Variants in OPRL1 observed in about 807,000 individuals in gnomAD.
OPRL1 encodes the protein opioid related nociceptin receptor 1.
OPRL1 carries 5 observed loss-of-function variants against 15.5 expected under a neutral mutation model. The observed-to-expected ratio is 0.32, with a 90% CI of 0.17 to 0.68. OPRL1 has a LOEUF of 0.68. Among genes scored for constraint, OPRL1 ranks in the 30% least tolerant of loss-of-function variants. The pLI is 0.72. For missense variants in OPRL1, 406 were observed against 515.3 expected (o/e 0.79, Z 2.05); for synonymous variants, 223 against 230.2 (o/e 0.97, Z 0.28).
At chr20:64,088,709 T>G (rs2060083874) in intron 1 of OPRL1, among the ~76,000 whole-genome samples, 2 of 112,988 alleles carry the variant, frequency 1.8e-5, no homozygotes, top group Non-Finnish European at 1.8e-5. Context: ...CCAGGGTCTG[T>G]GCAGAGTGGC....
intron 3 of OPRL1, 88 bp downstream of exon 3, chr20:64,093,041 G>C: frequency 1.7e-6 from 2 of 1,178,756 alleles, no homozygotes; most frequent in Non-Finnish European, 2.4e-6. Context: ...GGATGGGCCT[G>C]AGCAGGTGTT....
In OPRL1 at chr20:64,092,763, G is replaced by A. The variant is rs756968755; in HGVS notation, c.43G>A (p.Gly15Ser). 1.6e-5 allele frequency: 25 copies of A among 1,612,708 alleles called. No individual in the cohort carries two copies. Among genetic ancestry groups the A allele is most frequent in the East Asian group, 2.2e-5 (1 of 44,850 alleles). ...FPAPFWEVIY[G>S]SHLQGNLSLL... The stretch of plus-strand genomic sequence containing the variant: ...CGCGCCGTTCTGGGAGGTTATCTAC[G>A]GCAGCCACCTTCAGGGCAACCTGTC... The change falls in exon 3 of 5, where the codon GGC becomes AGC. Residue 15 changes from glycine (G) to serine (S), a missense_variant. Coordinates refer to ENST00000336866, the MANE Select transcript of OPRL1 (RefSeq NM_182647.4).
rs1300169663 is a variant in OPRL1 at position 64,098,679 on chromosome 20, C to G, written c.993C>G (p.Arg331=). The change falls in exon 5 of 5, where the codon CGC becomes CGG. Residue 331 remains arginine (R), a synonymous_variant. Transcript: ENST00000336866. ...FLDENFKACF[R]KFCCASALRR... is the part of the protein sequence containing the mutation. ...ATGAGAACTTCAAGGCCTGCTTCCG[C>G]AAGTTCTGCTGTGCATCTGCCCTGC... 6.2e-7 allele frequency: 1 copy of G among 1,612,756 alleles called. No homozygotes were observed. Among genetic ancestry groups the G allele is most frequent in the East Asian group, 2.2e-5 (1 of 44,892 alleles).
In OPRL1 at chr20:64,081,318, C is replaced by G. The variant is rs373552738; in HGVS notation, c.-185+966C>G. Reference sequence around the variant, plus strand: ...ATTCAGCCCACATAACACTCCTGAGCGGTGGGCACAGGTGAGGTCAGGGAA... The same window carrying G: ...ATTCAGCCCACATAACACTCCTGAGGGGTGGGCACAGGTGAGGTCAGGGAA... On this transcript the variant is annotated intron_variant, in intron 1 of 4. Transcript: ENST00000336866. Among the ~76,000 whole-genome samples the G allele has an allele frequency of 2.5e-3, 381 of 152,300 alleles. 19 individuals are homozygous for G. In the South Asian group the frequency reaches 0.064, roughly 26 times the overall value.
chr20:64,092,287 C>CTGTGT (rs1160500588), intron 2 of OPRL1, among the ~76,000 whole-genome samples, 171 bp downstream of exon 2: 1 of 152,086 alleles, frequency 6.6e-6, no homozygotes, highest in African/African-American at 2.4e-5. Flanking sequence ...TTCTGTGTGT[C>CTGTGT]TGTGTGTGTG....
chr20:64,083,276 T>G lies in OPRL1; in HGVS notation c.-185+2924T>G. ...CACTTTTTTGGGAGAGGCCCCACTC[T>G]CTGTACCCTGATGTCTGTGAGGTGC... On this transcript the variant is annotated intron_variant, in intron 1 of 4. Coordinates refer to ENST00000336866, the MANE Select transcript of OPRL1 (RefSeq NM_182647.4). This position sits in a 1 kb window ranked among gnomAD's most constrained non-coding sequence, Gnocchi z 4.9. 1.8e-6 allele frequency: 2 copies of G among 1,106,682 alleles called. No homozygotes were observed. The highest frequency in any genetic ancestry group is 2.6e-6 in the Non-Finnish European group (2 of 775,310). 68.6% of individuals were successfully genotyped at this position (1,106,682 alleles called of 1,614,324 possible).
chr20:64,091,734 G>T (rs1466839772), intron 1 of OPRL1, among the ~76,000 whole-genome samples: 1 of 152,140 alleles, frequency 6.6e-6, no homozygotes, highest in Non-Finnish European at 1.5e-5. Flanking sequence ...CTGTGAACCC[G>T]TGGGCATCTC....
chr20:64,082,543 C>T (rs2059978307), intron 1 of OPRL1, among the ~76,000 whole-genome samples: 1 of 152,188 alleles, frequency 6.6e-6, no homozygotes, highest in South Asian at 2.1e-4. Context: ...CTGGAGCCCC[C>T]TAGCAGGAGG....
At chr20:64,084,150 T>A (rs894056129) in intron 1 of OPRL1, 5 of 1,455,982 alleles carry the variant, frequency 3.4e-6, no homozygotes, top group Non-Finnish European at 4.5e-6. Flanking sequence ...CCCTGCGCCG[T>A]GCCTGGCGCG....
At chr20:64,088,993 G>GA (rs888316781) in intron 1 of OPRL1, among the ~76,000 whole-genome samples, 3 of 151,456 alleles carry the variant, frequency 2.0e-5, no homozygotes, top group Non-Finnish European at 4.4e-5. Flanking sequence ...TTGCAGGGGG[G>GA]ACAGGTTGTG....
chr20:64,084,756 T>G (rs2060024048), intron 1 of OPRL1, among the ~76,000 whole-genome samples: 1 of 152,182 alleles, frequency 6.6e-6, no homozygotes, highest in Non-Finnish European at 1.5e-5. Flanking sequence ...GGCTCCTCCC[T>G]TCCCGGCCCC....
In OPRL1 at chr20:64,083,610, C is replaced by G. The variant is rs2145567655; in HGVS notation, c.-185+3258C>G. The G allele has an allele frequency of 6.8e-7, 1 of 1,480,054 alleles. No individual in the cohort carries two copies. The allele number at this position is 1,480,054 out of a possible 1,614,324, so 91.7% of individuals were successfully genotyped here. A position where few individuals can be genotyped will look rare whatever the true frequency, so the allele number is the denominator to read the frequency against. ...CTTGGCGGTCCAGGGGGTCCGGGAT[C>G]CGCGCGGGCTTCAGCTGCGGCGGCA... On this transcript the variant is annotated intron_variant, in intron 1 of 4. Transcript: ENST00000336866. The surrounding 1 kb of genome is among the most constrained non-coding windows in gnomAD (Gnocchi z 4.9).
chr20:64,096,466 AT>A (rs1569278017), intron 3 of OPRL1, among the ~76,000 whole-genome samples: 1 of 152,202 alleles, frequency 6.6e-6, no homozygotes, highest in East Asian at 1.9e-4. Flanking sequence ...TCAAAGTAGT[AT>A]TTTTGCAAAT....
intron 1 of OPRL1, among the ~76,000 whole-genome samples, chr20:64,088,766 G>T (rs1298371087): frequency 5.5e-4 from 69 of 126,124 alleles, no homozygotes; most frequent in Admixed American, 8.4e-4. Flanking sequence ...GCCAGGATCT[G>T]TGCAGGGAGG....
rs1053362722 is a variant in OPRL1 at position 64,099,002 on chromosome 20, T to G, written c.*203T>G. 4 of 691,606 alleles carry G rather than the reference T, an allele frequency of 5.8e-6. No individual in the cohort carries two copies. Among genetic ancestry groups the G allele is most frequent in the Non-Finnish European group, 9.4e-6 (4 of 426,204 alleles). The allele number at this position is 691,606 out of a possible 1,614,324, so 42.8% of individuals were successfully genotyped here. ...GACATCATGGGACAGGTCAAAGCATTAGGGCCACCTCCATGGCCCCAGACA... is the reference window on the plus strand; with the variant it reads ...GACATCATGGGACAGGTCAAAGCATGAGGGCCACCTCCATGGCCCCAGACA... On this transcript the variant is annotated 3_prime_UTR_variant, in exon 5 of 5. Transcript: ENST00000336866.
At chr20:64,084,636 T>A (rs1391603055) in intron 1 of OPRL1, among the ~76,000 whole-genome samples, 1 of 152,110 alleles carries the variant, frequency 6.6e-6, no homozygotes, top group African/African-American at 2.4e-5. Flanking sequence ...TCCCCGACAG[T>A]CAGGGTCTCC....
chr20:64,095,965 G>C (rs767081816), intron 3 of OPRL1, among the ~76,000 whole-genome samples: 1 of 152,100 alleles, frequency 6.6e-6, no homozygotes, highest in Non-Finnish European at 1.5e-5. Context: ...TGCAGGTGAT[G>C]CGTGGTCAGA....
chr20:64,095,300 G>C (rs1170936822), intron 3 of OPRL1, among the ~76,000 whole-genome samples: 1 of 93,276 alleles, frequency 1.1e-5, no homozygotes. Flanking sequence ...TGGGGGGATA[G>C]TGTGGGGGAG....
Position 64,083,859 on chromosome 20 carries a change from CG to C in OPRL1, c.-185+3508del. ...CGCAGCCGCAGGGCGCGGACTCGCCCGCGGGCCTCCGCTGCCTTGAGGACGC... is the reference window on the plus strand; with the variant it reads ...CGCAGCCGCAGGGCGCGGACTCGCCCCGGGCCTCCGCTGCCTTGAGGACGC... On this transcript the variant is annotated intron_variant, in intron 1 of 4. Coordinates refer to ENST00000336866, the MANE Select transcript of OPRL1 (RefSeq NM_182647.4). The surrounding 1 kb of genome is among the most constrained non-coding windows in gnomAD (Gnocchi z 4.9). 1 of 1,414,860 alleles carries C rather than the reference CG, an allele frequency of 7.1e-7. No homozygotes were observed. The highest frequency in any genetic ancestry group is 1.5e-5 in the South Asian group (1 of 68,388). 87.6% of individuals were successfully genotyped at this position (1,414,860 alleles called of 1,614,324 possible).
Sources: allele counts gnomAD v4.1 joint callset (sites outside exome capture counted in the v4.1 genomes callset), GRCh38; gene constraint gnomAD v4.1.1; non-coding constraint Gnocchi (gnomAD v3.1); transcripts MANE v1.5; gene names NCBI Gene and HGNC (gene_info 2026-07-23, HGNC 2026-07-21).